Variants in DRC11L observed in about 807,000 individuals in gnomAD.
DRC11L encodes the protein dynein regulatory complex subunit 11 like.
chr7:151,198,467 C>T, the DRC11L span, among the ~76,000 whole-genome samples: 10 of 151,964 alleles, frequency 6.6e-5, no homozygotes, highest in East Asian at 1.9e-4. Flanking sequence ...ACCAGGGTGA[C>T]GGAGGGAGAG....
chr7:151,195,643 G>A, the DRC11L span: 11 of 399,572 alleles, frequency 2.8e-5, no homozygotes, highest in African/African-American at 8.2e-5. Flanking sequence ...AGCTCCTGAC[G>A]CATCAGCTCA....
At chr7:151,192,345 T>C in the DRC11L span, 1 of 399,204 alleles carries the variant, frequency 2.5e-6, no homozygotes, top group Non-Finnish European at 4.4e-6. Flanking sequence ...AGACCCCGCA[T>C]CTCGGCCAGC....
chr7:151,195,338 G>A, the DRC11L span: 1 of 398,908 alleles, frequency 2.5e-6, no homozygotes, highest in Non-Finnish European at 4.4e-6. Context: ...AGGTCTCACA[G>A]CAGCAGAGCC....
chr7:151,193,363 C>T, the DRC11L span: 1 of 399,658 alleles, frequency 2.5e-6, no homozygotes. Flanking sequence ...TTTCCGGCGA[C>T]AGGTCGAACA....
At chr7:151,193,102 C>T in the DRC11L span, 1 of 397,552 alleles carries the variant, frequency 2.5e-6, no homozygotes, top group African/African-American at 2.1e-5. Flanking sequence ...CCTCCCTTTT[C>T]CCTTCATTCC....
the DRC11L span, chr7:151,193,439 A>C: frequency 2.5e-6 from 1 of 399,300 alleles, no homozygotes; most frequent in African/African-American, 2.1e-5. Context: ...AGAGGGGCCC[A>C]CCAGGAGGAT....
At chr7:151,199,327 CGGCCGAGTT>C in the DRC11L span, among the ~76,000 whole-genome samples, 1 of 151,964 alleles carries the variant, frequency 6.6e-6, no homozygotes, top group Non-Finnish European at 1.5e-5. This position sits in a 1 kb window ranked among gnomAD's most constrained non-coding sequence, Gnocchi z 5.2. Flanking sequence ...CCCCGCCCCG[CGGCCGAGTT>C]GGCAGCCGCT....
At chr7:151,196,067 C>T in the DRC11L span, 2 of 236,046 alleles carry the variant, frequency 8.5e-6, no homozygotes, top group Non-Finnish European at 1.6e-5. Context: ...TGAAAGATCA[C>T]ATGACTGAAC....
the DRC11L span, chr7:151,195,841 T>A: frequency 2.6e-6 from 1 of 386,532 alleles, no homozygotes; most frequent in Non-Finnish European, 4.6e-6. Context: ...CCTCCCTCCC[T>A]CCTGGCACCT....
At chr7:151,196,246 C>T in the DRC11L span, among the ~76,000 whole-genome samples, 172 of 152,254 alleles carry the variant, frequency 1.1e-3, no homozygotes, top group African/African-American at 3.9e-3. Context: ...TGGGAACTGA[C>T]GTGGGCAGCA....
chr7:151,199,487 C>T, the DRC11L span, among the ~76,000 whole-genome samples: 16 of 152,200 alleles, frequency 1.1e-4, no homozygotes, highest in African/African-American at 3.4e-4. The surrounding 1 kb of genome is among the most constrained non-coding windows in gnomAD (Gnocchi z 5.2). Flanking sequence ...CTGCCGTGCA[C>T]GGACCCCTCC....
At chr7:151,202,095 G>T in the DRC11L span, among the ~76,000 whole-genome samples, 1 of 152,202 alleles carries the variant, frequency 6.6e-6, no homozygotes, top group Admixed American at 6.5e-5. Flanking sequence ...AGGGCTTTCT[G>T]CAGTGAGGTG....
At chr7:151,198,521 G>A in the DRC11L span, among the ~76,000 whole-genome samples, 1 of 152,152 alleles carries the variant, frequency 6.6e-6, no homozygotes, top group Non-Finnish European at 1.5e-5. Flanking sequence ...AGATCACTCA[G>A]GGGGCATCCA....
the DRC11L span, chr7:151,190,896 T>C: frequency 2.5e-6 from 1 of 398,552 alleles, no homozygotes; most frequent in Non-Finnish European, 4.4e-6. Context: ...CATCTGGGCA[T>C]TTATGCCTCT....
chr7:151,203,659 G>A, the DRC11L span: 2 of 393,486 alleles, frequency 5.1e-6, no homozygotes, highest in East Asian at 3.6e-5. Flanking sequence ...GGGTAATGGG[G>A]CAGATACCCC....
the DRC11L span, chr7:151,195,431 T>A: frequency 2.5e-6 from 1 of 399,264 alleles, no homozygotes; most frequent in Non-Finnish European, 4.4e-6. Flanking sequence ...TCCTGCTACC[T>A]GTCTGAGGTC....
chr7:151,192,440 C>G, the DRC11L span: 1 of 399,242 alleles, frequency 2.5e-6, no homozygotes. Flanking sequence ...CTTCTTTATC[C>G]GCTTTGGGTC....
chr7:151,195,828 A>T, the DRC11L span: 7 of 390,066 alleles, frequency 1.8e-5, no homozygotes, highest in Non-Finnish European at 3.2e-5. Context: ...ATTCCTCTGC[A>T]TTCCTCCCTC....
the DRC11L span, chr7:151,195,507 G>A: frequency 5.0e-6 from 2 of 399,622 alleles, no homozygotes; most frequent in Non-Finnish European, 8.8e-6. Context: ...CGAGTGCGTA[G>A]GTCACTGTGC....
Sources: allele counts gnomAD v4.1 joint callset (sites outside exome capture counted in the v4.1 genomes callset), GRCh38; gene constraint gnomAD v4.1.1; non-coding constraint Gnocchi (gnomAD v3.1); transcripts MANE v1.5; gene names NCBI Gene and HGNC (gene_info 2026-07-23, HGNC 2026-07-21).